Variants in HACD4 observed in about 807,000 individuals in gnomAD.
HACD4 encodes very-long-chain (3R)-3-hydroxyacyl-CoA dehydratase 4.
Under a neutral mutation model 33.3 loss-of-function variants are expected in HACD4, and 35 were observed. The ratio of observed to expected loss-of-function variants is 1.05; its 90% confidence interval spans 0.80 to 1.39. HACD4 has a LOEUF of 1.39. Ranked by LOEUF, HACD4 falls within the 40% of genes most tolerant of loss-of-function variation. HACD4 has a pLI of 0.00. For synonymous variants in HACD4, 118 were observed against 98.0 expected, an observed-to-expected ratio of 1.20 and a Z score of -1.21; for missense variants, 323 against 276.5, an observed-to-expected ratio of 1.17 and a Z score of -1.19.
At chr9:21,026,118 T>G (rs1474083374) in intron 3 of HACD4, among the ~76,000 whole-genome samples, 1 of 152,222 alleles carries the variant, frequency 6.6e-6, no homozygotes, top group African/African-American at 2.4e-5. Flanking sequence ...ATTCTCTGGA[T>G]GTAGATGAAG....
Position 21,031,605 on chromosome 9 carries a change from A to C in HACD4, c.-15T>G. 7.0e-7 allele frequency: 1 copy of C among 1,421,002 alleles called. No homozygotes were observed. Among genetic ancestry groups the C allele is most frequent in the South Asian group, 1.5e-5 (1 of 68,832 alleles). The allele number at this position is 1,421,002 out of a possible 1,614,324, so 88.0% of individuals were successfully genotyped here. On this transcript the variant is annotated 5_prime_UTR_variant, in exon 1 of 7. Transcript: ENST00000495827. The stretch of plus-strand genomic sequence containing the variant: ...AAGGGCCCCATGGGCCGCCGCCGCC[A>C]GGGCTTCCAGCGCGGTCCAGGAAGG...
At chr9:21,025,555 T>C (rs936487825) in intron 3 of HACD4, among the ~76,000 whole-genome samples, 4 of 152,258 alleles carry the variant, frequency 2.6e-5, no homozygotes, top group Non-Finnish European at 5.9e-5. Flanking sequence ...TACCTATTTC[T>C]GTAGACTTGA....
At chr9:21,019,597 G>C (rs1417022223) in intron 3 of HACD4, among the ~76,000 whole-genome samples, 2 of 151,978 alleles carry the variant, frequency 1.3e-5, no homozygotes, top group African/African-American at 2.4e-5. Flanking sequence ...GATAATGACT[G>C]TGAATTAAAA....
rs1192585755 is a variant in HACD4, at chr9:21,001,246, T to A, written c.*5791A>T. The A allele has an allele frequency of 6.6e-6, 1 of 151,794 alleles. No individual in the cohort carries two copies. The highest frequency in any genetic ancestry group is 1.5e-5 in the Non-Finnish European group (1 of 67,904). 9.4% of individuals were successfully genotyped at this position (151,794 alleles called of 1,614,324 possible). The stretch of plus-strand genomic sequence containing the variant: ...TGGTAATATCAATATAGAGAAAATC[T>A]AAGACGATACAAAAAAGAAATTCAA... On this transcript the variant is annotated 3_prime_UTR_variant, in exon 7 of 7. Coordinates refer to ENST00000495827, the MANE Select transcript of HACD4 (RefSeq NM_001010915.5).
intron 4 of HACD4, among the ~76,000 whole-genome samples, chr9:21,011,910 G>C (rs941144112): frequency 6.6e-6 from 1 of 152,100 alleles, no homozygotes; most frequent in Non-Finnish European, 1.5e-5. Context: ...TAATTATAAA[G>C]CTAAACAGAG....
At chr9:21,022,793 T>G (rs1374819556) in intron 3 of HACD4, among the ~76,000 whole-genome samples, 3 of 152,132 alleles carry the variant, frequency 2.0e-5, no homozygotes, top group East Asian at 1.9e-4. Context: ...GTTCAACCGT[T>G]GTGGAAGTCA....
In HACD4 at chr9:21,031,555, G is replaced by T. The variant is rs1297450539; in HGVS notation, c.36C>A (p.Pro12=). The T allele has an allele frequency of 6.9e-7, 1 of 1,459,376 alleles. No individual in the cohort carries two copies. Among genetic ancestry groups the T allele is most frequent in the East Asian group, 3.0e-5 (1 of 33,478 alleles). 90.4% of individuals were successfully genotyped at this position (1,459,376 alleles called of 1,614,324 possible). A position where few individuals can be genotyped will look rare whatever the true frequency, so the allele number is the denominator to read the frequency against. The change falls in exon 1 of 7, where the codon CCC becomes CCA. Residue 12 remains proline (P), a splice_region_variant and synonymous_variant. Transcript: ENST00000495827. The part of the protein sequence containing the change: ...GPLALPAWLQ[P]RYRKNAYLFI... ...CGGGATTCGGCCGAGCGCCCTACCT[G>T]GGCTGCAGCCAGGCGGGCAGCGCCA... is the stretch of plus-strand genomic sequence containing the variant.
In HACD4 at chr9:21,003,625, T is replaced by TAAA. The variant is rs931715589; in HGVS notation, c.*3409_*3411dup. 1.3e-5 allele frequency: 2 copies of TAAA among 152,188 alleles called. No homozygotes were observed. Among genetic ancestry groups the TAAA allele is most frequent in the Non-Finnish European group, 2.9e-5 (2 of 68,016 alleles). The allele number at this position is 152,188 out of a possible 1,614,324, so 9.4% of individuals were successfully genotyped here. A position where few individuals can be genotyped will look rare whatever the true frequency, so the allele number is the denominator to read the frequency against. ...TTAGTGGAAATAAGTTACCCATTTT[T>TAAA]AAAATTACATTTTTATTATCCTATT... On this transcript the variant is annotated 3_prime_UTR_variant, in exon 7 of 7. Transcript: ENST00000495827.
At chr9:21,015,163 G>C (rs903919182) in intron 4 of HACD4, 9 of 152,098 alleles carry the variant, frequency 5.9e-5, no homozygotes, top group Non-Finnish European at 1.0e-4. Context: ...TTTTAATTCA[G>C]TTAAGTTATT....
intron 4 of HACD4, among the ~76,000 whole-genome samples, chr9:21,014,722 TA>T (rs1295974179): frequency 6.6e-6 from 1 of 152,216 alleles, no homozygotes; most frequent in East Asian, 1.9e-4. Flanking sequence ...TATATCTTAA[TA>T]AAACTGTTAT....
At chr9:21,025,311 CTATTTA>C (rs1278664129) in intron 3 of HACD4, among the ~76,000 whole-genome samples, 3 of 152,034 alleles carry the variant, frequency 2.0e-5, no homozygotes, top group African/African-American at 7.2e-5. Flanking sequence ...TAGGATTATA[CTATTTA>C]TATCTTTTAA....
At chr9:21,017,510 A>C (rs1842587997) in intron 3 of HACD4, among the ~76,000 whole-genome samples, 1 of 152,164 alleles carries the variant, frequency 6.6e-6, no homozygotes, top group African/African-American at 2.4e-5. Flanking sequence ...TGATGTCATG[A>C]CACCTCTCAG....
intron 4 of HACD4, chr9:21,015,202 C>G (rs1207455300): frequency 1.3e-5 from 2 of 152,064 alleles, no homozygotes; most frequent in African/African-American, 4.8e-5. Flanking sequence ...TTTACATACC[C>G]TTGGCTGAAA....
chr9:21,023,219 G>C (rs1247683912), intron 3 of HACD4, among the ~76,000 whole-genome samples: 2 of 139,596 alleles, frequency 1.4e-5, no homozygotes, highest in African/African-American at 5.3e-5. Context: ...GGCCTGTTGT[G>C]GGGTGGGGGG....
intron 3 of HACD4, among the ~76,000 whole-genome samples, chr9:21,020,597 A>T (rs927267641): frequency 2.0e-5 from 3 of 152,224 alleles, no homozygotes; most frequent in Non-Finnish European, 2.9e-5. Flanking sequence ...TTCTAAGCTA[A>T]TAAAGTTTGC....
At chr9:21,019,023 T>C (rs563734486) in intron 3 of HACD4, among the ~76,000 whole-genome samples, 110 of 152,260 alleles carry the variant, frequency 7.2e-4, no homozygotes, top group African/African-American at 2.5e-3. Context: ...ATCTAAACTC[T>C]CAATCCTCTG....
At chr9:21,026,444 C>T (rs1818062038) in intron 3 of HACD4, 152 bp downstream of exon 3, 4 of 654,418 alleles carry the variant, frequency 6.1e-6, no homozygotes, top group African/African-American at 1.8e-5. Flanking sequence ...GGCAGTTTTA[C>T]AATAAGGTTG....
intron 3 of HACD4, among the ~76,000 whole-genome samples, chr9:21,016,439 C>T (rs1390515354): frequency 2.0e-5 from 3 of 152,070 alleles, no homozygotes; most frequent in Admixed American, 6.6e-5. Flanking sequence ...CACAGGTGAG[C>T]GAGATACTTT....
At chr9:21,030,375 G>C (rs1206978489) in intron 1 of HACD4, among the ~76,000 whole-genome samples, 2 of 151,942 alleles carry the variant, frequency 1.3e-5, no homozygotes, top group Non-Finnish European at 1.5e-5. Flanking sequence ...CTGGGAGGTA[G>C]AGGCTGCAGT....
Sources: gnomAD v4.1 joint callset for allele counts (sites outside exome capture counted in the v4.1 genomes callset) on GRCh38, gnomAD v4.1.1 for gene constraint, MANE v1.5 for transcripts, NCBI Gene and HGNC (gene_info 2026-07-23, HGNC 2026-07-21) for gene names.